Variants in MTCL2 observed in about 807,000 individuals in gnomAD.
MTCL2 encodes the protein microtubule crosslinking factor 2, also known as microtubule cross-linking factor 2.
chr20:36,858,463 A>AACACAC, the MTCL2 span, among the ~76,000 whole-genome samples: 4 of 25,802 alleles, frequency 1.6e-4, no homozygotes, highest in African/African-American at 2.7e-4. Context: ...AAGGAGGGAA[A>AACACAC]ACACACACAC....
At chr20:36,849,363 T>C in the MTCL2 span, among the ~76,000 whole-genome samples, 1 of 151,998 alleles carries the variant, frequency 6.6e-6, no homozygotes, top group Non-Finnish European at 1.5e-5. Context: ...CCAGCCAAAA[T>C]AAGATATAAC....
chr20:36,794,041 C>T, the MTCL2 span: 63 of 1,551,238 alleles, frequency 4.1e-5, no homozygotes, highest in Non-Finnish European at 5.1e-5. The surrounding 1 kb of genome is among the most constrained non-coding windows in gnomAD (Gnocchi z 5.4). Context: ...AGTTGGTGAT[C>T]TCCTTCATGT....
chr20:36,790,285 C>G, the MTCL2 span, among the ~76,000 whole-genome samples: 1 of 151,896 alleles, frequency 6.6e-6, no homozygotes, highest in Non-Finnish European at 1.5e-5. Context: ...GCCACTGCGC[C>G]CGGCCAATTT....
At chr20:36,824,227 G>A in the MTCL2 span, among the ~76,000 whole-genome samples, 1 of 152,190 alleles carries the variant, frequency 6.6e-6, no homozygotes, top group African/African-American at 2.4e-5. Context: ...TCTCAGAAAC[G>A]TGCACATGAA....
the MTCL2 span, among the ~76,000 whole-genome samples, chr20:36,826,112 T>C: frequency 2.0e-5 from 3 of 151,754 alleles, no homozygotes; most frequent in Non-Finnish European, 2.9e-5. Flanking sequence ...GTTCATGCCA[T>C]TCTCCTGCCT....
the MTCL2 span, chr20:36,794,687 G>C: frequency 6.4e-7 from 1 of 1,551,918 alleles, no homozygotes; most frequent in Non-Finnish European, 8.9e-7. This position sits in a 1 kb window ranked among gnomAD's most constrained non-coding sequence, Gnocchi z 5.4. Flanking sequence ...CGTGTGCTGC[G>C]TGAGGGCAAA....
chr20:36,799,410 T>A, the MTCL2 span, among the ~76,000 whole-genome samples: 1 of 152,022 alleles, frequency 6.6e-6, no homozygotes, highest in African/African-American at 2.4e-5. Flanking sequence ...GAGAATCGTT[T>A]GAACGCGGGA....
chr20:36,777,554 C>T, the MTCL2 span: 3 of 410,404 alleles, frequency 7.3e-6, no homozygotes, highest in Non-Finnish European at 1.3e-5. Flanking sequence ...GCAGGGAGAG[C>T]TGGTGGATTG....
chr20:36,812,072 G>A, the MTCL2 span, among the ~76,000 whole-genome samples: 5 of 152,302 alleles, frequency 3.3e-5, no homozygotes, highest in Admixed American at 1.3e-4. Flanking sequence ...TGGGGAAGCT[G>A]TGGCCAGAAG....
chr20:36,818,738 A>G, the MTCL2 span, among the ~76,000 whole-genome samples: 5 of 152,248 alleles, frequency 3.3e-5, no homozygotes, highest in Non-Finnish European at 5.9e-5. Flanking sequence ...TAAGAAAAGT[A>G]AAAACATAAA....
At chr20:36,797,677 A>C in the MTCL2 span, 1 of 1,084,900 alleles carries the variant, frequency 9.2e-7, no homozygotes. Context: ...AGCCCACAGA[A>C]CCTACATCAT....
At chr20:36,825,372 G>C in the MTCL2 span, among the ~76,000 whole-genome samples, 2 of 152,224 alleles carry the variant, frequency 1.3e-5, no homozygotes, top group African/African-American at 2.4e-5. Flanking sequence ...CTGTTGGAGG[G>C]TTAAACAATG....
the MTCL2 span, chr20:36,839,163 C>T: frequency 1.3e-6 from 2 of 1,531,028 alleles, no homozygotes; most frequent in East Asian, 2.3e-5. The surrounding 1 kb of genome is among the most constrained non-coding windows in gnomAD (Gnocchi z 5.1). Context: ...ACCTGGGCCC[C>T]ACTTAGACTT....
chr20:36,855,478 G>T, the MTCL2 span, among the ~76,000 whole-genome samples: 2 of 152,204 alleles, frequency 1.3e-5, no homozygotes, highest in Non-Finnish European at 2.9e-5. Flanking sequence ...TGATGCCAGG[G>T]TCAGCCTGGC....
At chr20:36,862,952 C>A in the MTCL2 span, 1 of 1,401,210 alleles carries the variant, frequency 7.1e-7, no homozygotes, top group Non-Finnish European at 9.3e-7. Context: ...CCAGCAGGCG[C>A]GCCTCCTCCG....
chr20:36,829,331 G>T, the MTCL2 span: 1 of 963,042 alleles, frequency 1.0e-6, no homozygotes, highest in Non-Finnish European at 1.5e-6. Context: ...GGTTCCTATC[G>T]CATCACTGCC....
chr20:36,793,206 T>C, the MTCL2 span: 1 of 1,517,078 alleles, frequency 6.6e-7, no homozygotes, highest in East Asian at 2.5e-5. This position sits in a 1 kb window ranked among gnomAD's most constrained non-coding sequence, Gnocchi z 6.8. Context: ...CCTTATATAC[T>C]AACTCCACCT....
At chr20:36,859,544 G>C in the MTCL2 span, 1 of 1,192,016 alleles carries the variant, frequency 8.4e-7, no homozygotes, top group African/African-American at 1.6e-5. Flanking sequence ...GCCTCTCTCT[G>C]AATAATTAAA....
the MTCL2 span, chr20:36,815,017 G>A: frequency 1.9e-6 from 2 of 1,058,702 alleles, no homozygotes; most frequent in African/African-American, 1.6e-5. This position sits in a 1 kb window ranked among gnomAD's most constrained non-coding sequence, Gnocchi z 5.3. Flanking sequence ...AACTGAGATT[G>A]CACCACTGCA....
Sources: gnomAD v4.1 joint callset for allele counts (sites outside exome capture counted in the v4.1 genomes callset) on GRCh38, gnomAD v4.1.1 for gene constraint, Gnocchi (gnomAD v3.1) non-coding constraint, MANE v1.5 for transcripts, NCBI Gene and HGNC (gene_info 2026-07-23, HGNC 2026-07-21) for gene names.